The following TANC1 variants were observed in gnomAD, a reference collection of about 807,000 sequenced individuals.
TANC1 encodes protein TANC1.
TANC1 carries 77 observed loss-of-function variants against 149.7 expected under a neutral mutation model. That is an observed-to-expected ratio of 0.51 (90% CI 0.43 to 0.62). TANC1 has a LOEUF of 0.62. Ranked by LOEUF, TANC1 falls within the 20% of genes least tolerant of loss-of-function variation. The probability of loss-of-function intolerance (pLI) is 0.00; values close to 1 mark genes in which losing one functional copy is unlikely to be tolerated. For missense variants in TANC1, 1,985 were observed against 2,321.8 expected (o/e 0.85, Z 2.98); for synonymous variants, 854 against 925.0 (o/e 0.92, Z 1.39).
At chr2:159,128,610 T>TC (rs1329409599) in intron 4 of TANC1, among the ~76,000 whole-genome samples, 1 of 151,786 alleles carries the variant, frequency 6.6e-6, no homozygotes, top group East Asian at 1.9e-4. Context: ...GTGCCTTCTG[T>TC]CCCCCGAGCC....
chr2:159,113,997 G>A lies in TANC1; in HGVS notation c.259+16163G>A, dbSNP rs186974429. On this transcript the variant is annotated intron_variant, in intron 4 of 26. Transcript: ENST00000263635. The stretch of plus-strand genomic sequence containing the variant: ...GACCCATCTACAGCTTCTGTGGGAA[G>A]GGTCTTGCCAGATACTTAATTGGTT... 2.8e-4 allele frequency among the ~76,000 whole-genome samples: 43 copies of A among 152,308 alleles called. 1 individual carries two copies. In the East Asian group the frequency reaches 7.5e-3, roughly 27 times the overall value.
chr2:159,179,141 A>G lies in TANC1; in HGVS notation c.2488A>G (p.Thr830Ala), dbSNP rs1455099038. 1 of 1,611,218 alleles carries G rather than the reference A, an allele frequency of 6.2e-7. No homozygotes were observed. The highest frequency in any genetic ancestry group is 1.3e-5 in the African/African-American group (1 of 74,494). ...TGTATGGAGAGCAGACGGGGAAAACACGGCCTTCCTGTGTGAGCCCAGGTA... is the reference window on the plus strand; with the variant it reads ...TGTATGGAGAGCAGACGGGGAAAACGCGGCCTTCCTGTGTGAGCCCAGGTA... ...WLVWRADGEN[T>A]AFLCEPRNGH... is the part of the protein sequence containing the mutation. Residue 830 changes from threonine (T) to alanine (A), a missense_variant, in exon 14 of 27, where the codon ACG (threonine) becomes GCG (alanine). Physicochemically the swap from Thr to Ala is moderately conservative, Grantham distance 58 (BLOSUM62 0). This residue lies in a region of TANC1 where 508 missense variants were observed against 714.2 expected (regional missense o/e 0.71). Transcript: ENST00000263635.
At chr2:159,134,525 C>T (rs532900304) in intron 4 of TANC1, among the ~76,000 whole-genome samples, 2 of 152,252 alleles carry the variant, frequency 1.3e-5, no homozygotes, top group Non-Finnish European at 2.9e-5. Context: ...CTCTGTCGCC[C>T]AGGCTAGAGT....
chr2:159,026,971 AATG>A (rs2149459020), intron 2 of TANC1: 1 of 152,062 alleles, frequency 6.6e-6, no homozygotes, highest in Admixed American at 6.5e-5. Context: ...CTCCTTAACA[AATG>A]ATCACCTACC....
chr2:159,219,261 C>A lies in TANC1; in HGVS notation c.3402C>A (p.Arg1134=). 6.2e-7 allele frequency: 1 copy of A among 1,614,162 alleles called. No individual in the cohort carries two copies. The highest frequency in any genetic ancestry group is 8.5e-7 in the Non-Finnish European group (1 of 1,180,032). Reference sequence around the variant, plus strand: ...AGATTGTTAGACTGCTGTTGGAACGCGGCTGTGATGTGAACCTAAGTGACA... The same window carrying A: ...AGATTGTTAGACTGCTGTTGGAACGAGGCTGTGATGTGAACCTAAGTGACA... ...HWQIVRLLLE[R]GCDVNLSDKQ... is the part of the protein sequence containing the mutation. The change falls in exon 21 of 27, where the codon CGC becomes CGA. Residue 1134 remains arginine, a synonymous_variant. Coordinates refer to ENST00000263635, the MANE Select transcript of TANC1 (RefSeq NM_033394.3).
intron 17 of TANC1, 43 bp from the exon 18 acceptor site, chr2:159,196,565 A>G: frequency 6.5e-7 from 1 of 1,541,706 alleles, no homozygotes; most frequent in Non-Finnish European, 8.8e-7. Flanking sequence ...GCTCAGAGGC[A>G]AAGTAATGCT....
intron 4 of TANC1, among the ~76,000 whole-genome samples, chr2:159,098,246 A>G (rs1447769050): frequency 6.6e-6 from 1 of 152,214 alleles, no homozygotes. Flanking sequence ...ATGTTTAGAT[A>G]TGCAGATACT....
chr2:159,118,768 A>G (rs541579094), intron 4 of TANC1, among the ~76,000 whole-genome samples: 1 of 152,304 alleles, frequency 6.6e-6, no homozygotes, highest in East Asian at 1.9e-4. Context: ...AAGCAGCGCC[A>G]CCTTGTGGTT....
At chr2:159,071,636 C>T (rs984799564) in intron 3 of TANC1, among the ~76,000 whole-genome samples, 2 of 152,216 alleles carry the variant, frequency 1.3e-5, no homozygotes, top group African/African-American at 4.8e-5. Context: ...CCATTCCAGG[C>T]TGCAGCCTGG....
At position 159,149,281 on chromosome 2, in the gene TANC1, C is replaced by T. The variant is rs774535879; in HGVS notation, c.495+9C>T. 63 of 1,613,954 alleles carry T rather than the reference C, an allele frequency of 3.9e-5. No individual in the cohort carries two copies. Among genetic ancestry groups the T allele is most frequent in the Non-Finnish European group, 4.9e-5 (58 of 1,180,004 alleles). The stretch of plus-strand genomic sequence containing the variant: ...ACAAAAATGAAACCATGGTAATGCC[C>T]GAGGAAGACACTACATTGCATACCT... On this transcript the variant is annotated intron_variant, in intron 6 of 26. Transcript: ENST00000263635.
intron 3 of TANC1, among the ~76,000 whole-genome samples, chr2:159,070,557 T>C (rs1280574690): frequency 6.6e-6 from 1 of 152,220 alleles, no homozygotes; most frequent in Non-Finnish European, 1.5e-5. Flanking sequence ...TGTGTGTTTT[T>C]TTAAAACACT....
At chr2:159,223,009 G>A (rs575395565) in intron 22 of TANC1, among the ~76,000 whole-genome samples, 2 of 152,170 alleles carry the variant, frequency 1.3e-5, no homozygotes, top group Non-Finnish European at 2.9e-5. Flanking sequence ...TGGTTCAAGC[G>A]ATTCTCCTGC....
intron 4 of TANC1, among the ~76,000 whole-genome samples, chr2:159,135,429 C>T (rs1445035531): frequency 5.3e-5 from 8 of 152,256 alleles, no homozygotes; most frequent in Non-Finnish European, 1.0e-4. Flanking sequence ...AGTAGAACTG[C>T]AGGGCCATGT....
intron 4 of TANC1, among the ~76,000 whole-genome samples, chr2:159,104,976 ATTTGCTTTTTT>A (rs2047017050): frequency 1.3e-5 from 1 of 79,734 alleles, no homozygotes; most frequent in Non-Finnish European, 2.5e-5. Context: ...ATTGTTGGAT[ATTTGCTTTTTT>A]TTTTTTTTTT....
At chr2:159,118,929 G>A (rs2048569505) in intron 4 of TANC1, among the ~76,000 whole-genome samples, 1 of 152,178 alleles carries the variant, frequency 6.6e-6, no homozygotes, top group African/African-American at 2.4e-5. Flanking sequence ...CTTTGTACAT[G>A]ACTGGGTACA....
At chr2:159,069,701 G>GA (rs1292300623) in intron 3 of TANC1, among the ~76,000 whole-genome samples, 2 of 148,260 alleles carry the variant, frequency 1.3e-5, no homozygotes, top group African/African-American at 2.5e-5. Context: ...AAATGAATAG[G>GA]AAAAAAAGTC....
chr2:159,192,794 C>T (rs1303967341), intron 16 of TANC1, among the ~76,000 whole-genome samples: 3 of 152,122 alleles, frequency 2.0e-5, no homozygotes, highest in African/African-American at 4.8e-5. Context: ...GGATTACAGG[C>T]GTGCGCCACC....
intron 2 of TANC1, among the ~76,000 whole-genome samples, chr2:159,003,628 G>A (rs998599639): frequency 7.9e-5 from 12 of 152,228 alleles, no homozygotes; most frequent in African/African-American, 2.9e-4. Flanking sequence ...CCCTTCAGAA[G>A]CTCTTCATTA....
Position 159,230,909 on chromosome 2 carries a change from A to G in TANC1, c.5483A>G (p.Gln1828Arg), listed in dbSNP as rs761967376. Residue 1828 changes from glutamine (Q) to arginine (R), a missense_variant, in exon 27 of 27, where the codon CAG becomes CGG. Physicochemically the swap from Gln to Arg is conservative, Grantham distance 43. Transcript: ENST00000263635. The surrounding 1 kb of genome is among the most constrained non-coding windows in gnomAD (Gnocchi z 4.4). The part of the protein sequence containing the change: ...RITKTVSHLY[Q>R]ESISKQQPHI... ...ACTAAGACTGTTTCTCATCTGTACCAGGAAAGTATCTCCAAACAGCAGCCT... is the reference window on the plus strand; with the variant it reads ...ACTAAGACTGTTTCTCATCTGTACCGGGAAAGTATCTCCAAACAGCAGCCT... 6.2e-6 allele frequency: 10 copies of G among 1,614,202 alleles called. No homozygotes were observed. The East Asian group carries it at 2.0e-4, about 32-fold the overall frequency.
Sources: gnomAD v4.1 joint callset for allele counts (sites outside exome capture counted in the v4.1 genomes callset) on GRCh38, gnomAD v4.1.1 for gene constraint, gnomAD v4.1.1 regional missense constraint, Gnocchi (gnomAD v3.1) non-coding constraint, MANE v1.5 for transcripts, NCBI Gene and HGNC (gene_info 2026-07-23, HGNC 2026-07-21) for gene names.